Variants in TTC23L observed in about 807,000 individuals in gnomAD.
TTC23L encodes the protein tetratricopeptide repeat domain 23 like, also known as tetratricopeptide repeat protein 23-like.
Under a neutral mutation model 48.1 loss-of-function variants are expected in TTC23L, and 42 were observed. That is an observed-to-expected ratio of 0.87 (90% CI 0.68 to 1.13). TTC23L has a LOEUF of 1.13. TTC23L is among the 50% of genes most tolerant of loss of function. The pLI, the probability that TTC23L is intolerant of heterozygous loss-of-function variation, is 0.00. For missense variants in TTC23L, 391 were observed against 421.0 expected (o/e 0.93, Z 0.62); for synonymous variants, 159 against 157.2 (o/e 1.01, Z -0.09).
chr5:34,854,372 G>A (rs2150371216), intron 4 of TTC23L, among the ~76,000 whole-genome samples: 1 of 152,270 alleles, frequency 6.6e-6, no homozygotes, highest in African/African-American at 2.4e-5. Flanking sequence ...GGTTGTGACT[G>A]TAAGCTTTCT....
At chr5:34,916,158 G>A in the TTC23L span, 144 of 355,908 alleles carry the variant, frequency 4.0e-4, no homozygotes, top group Non-Finnish European at 1.7e-4. Context: ...CTCAGATCCA[G>A]CGTTCTTTCT....
intron 8 of TTC23L, among the ~76,000 whole-genome samples, chr5:34,879,502 C>T (rs1169753773): frequency 6.6e-6 from 1 of 152,156 alleles, no homozygotes; most frequent in African/African-American, 2.4e-5. Flanking sequence ...ACCCCCCAAA[C>T]AGGAACCTTA....
chr5:34,891,284 G>A (rs1241155143), intron 9 of TTC23L, among the ~76,000 whole-genome samples: 1 of 152,108 alleles, frequency 6.6e-6, no homozygotes, highest in East Asian at 1.9e-4. Context: ...ATCTTAACCT[G>A]CCTTTTCCAC....
At chr5:34,917,447 G>C in the TTC23L span, among the ~76,000 whole-genome samples, 14 of 151,372 alleles carry the variant, frequency 9.2e-5, no homozygotes, top group African/African-American at 3.4e-4. Flanking sequence ...GCCTGGCCAA[G>C]ATGGTGAAAC....
intron 3 of TTC23L, among the ~76,000 whole-genome samples, chr5:34,848,971 A>C (rs766043207): frequency 1.3e-5 from 2 of 152,216 alleles, no homozygotes; most frequent in Non-Finnish European, 2.9e-5. Flanking sequence ...TAAAATCCAT[A>C]AGTTTCTAAT....
chr5:34,839,518 C>T (rs1044028087), intron 1 of TTC23L: 4 of 527,098 alleles, frequency 7.6e-6, no homozygotes, highest in Admixed American at 6.4e-5. Context: ...CCGTGCGGAA[C>T]GTCATAGGAA....
intron 7 of TTC23L, chr5:34,867,534 C>G (rs1490607557): frequency 6.0e-6 from 1 of 165,904 alleles, no homozygotes; most frequent in East Asian, 1.7e-4. Flanking sequence ...AAGGGTGTTT[C>G]ACTTGGAGGT....
intron 9 of TTC23L, among the ~76,000 whole-genome samples, chr5:34,882,764 G>C (rs1219689710): frequency 6.6e-6 from 1 of 152,152 alleles, no homozygotes; most frequent in Non-Finnish European, 1.5e-5. Flanking sequence ...TCACGGCTGG[G>C]TATGGAGACT....
chr5:34,923,879 T>C, the TTC23L span, among the ~76,000 whole-genome samples: 2 of 152,220 alleles, frequency 1.3e-5, no homozygotes, highest in African/African-American at 4.8e-5. Context: ...GACTGTTAGT[T>C]GATACAGAGT....
intron 7 of TTC23L, chr5:34,868,554 C>G (rs2150411006): frequency 5.6e-6 from 1 of 179,142 alleles, no homozygotes; most frequent in East Asian, 1.3e-4. Flanking sequence ...CCCTGATTTA[C>G]ATTTACAAGA....
chr5:34,859,025 G>T (rs146323120), intron 4 of TTC23L, among the ~76,000 whole-genome samples: 13 of 152,278 alleles, frequency 8.5e-5, no homozygotes, highest in African/African-American at 2.4e-4. Context: ...TGCAGGGAGG[G>T]TGCAGGCTTT....
chr5:34,876,958 C>T (rs1761882667), intron 8 of TTC23L, among the ~76,000 whole-genome samples: 1 of 151,622 alleles, frequency 6.6e-6, no homozygotes, highest in Non-Finnish European at 1.5e-5. Context: ...GCACATTCTG[C>T]ACATGTACCC....
intron 8 of TTC23L, among the ~76,000 whole-genome samples, chr5:34,870,207 C>T (rs1203932807): frequency 2.0e-5 from 3 of 151,650 alleles, no homozygotes; most frequent in East Asian, 3.8e-4. Flanking sequence ...ACATTTTATG[C>T]ACCAAAACTA....
At chr5:34,896,543 C>G (rs141238082) in intron 9 of TTC23L, among the ~76,000 whole-genome samples, 1 of 152,242 alleles carries the variant, frequency 6.6e-6, no homozygotes, top group East Asian at 1.9e-4. Flanking sequence ...TTTTGAGCAC[C>G]TACTAAGTGC....
At chr5:34,851,947 G>A (rs1029189645) in intron 4 of TTC23L, among the ~76,000 whole-genome samples, 13 of 152,190 alleles carry the variant, frequency 8.5e-5, no homozygotes, top group African/African-American at 3.1e-4. Context: ...CAGTTCAGTG[G>A]TATTGCCATT....
chr5:34,920,013 C>T, the TTC23L span: 1 of 493,120 alleles, frequency 2.0e-6, no homozygotes. Context: ...ATTAACTCTT[C>T]AATAACTGGT....
At chr5:34,919,856 TA>T in the TTC23L span, 1 of 1,170,970 alleles carries the variant, frequency 8.5e-7, no homozygotes, top group Non-Finnish European at 1.2e-6. Flanking sequence ...AAATGGATCG[TA>T]AGGATAAGCT....
Position 34,845,690 on chromosome 5 carries a change from A to T in TTC23L, c.255+17A>T, listed in dbSNP as rs888708938. 6.3e-7 allele frequency: 1 copy of T among 1,591,006 alleles called. No homozygotes were observed. Among genetic ancestry groups the T allele is most frequent in the Admixed American group, 1.8e-5 (1 of 54,470 alleles). On this transcript the variant is annotated intron_variant, in intron 3 of 10. Coordinates refer to ENST00000505624, the Ensembl canonical transcript of TTC23L. ...GAAAAAATGGTAAAACAAAAAACTC[A>T]CTAAAATTTTGTTTCCATTTAAAAA...
intron 9 of TTC23L, among the ~76,000 whole-genome samples, chr5:34,893,907 AAC>A (rs137953116): frequency 6.6e-6 from 1 of 152,034 alleles, no homozygotes; most frequent in Non-Finnish European, 1.5e-5. Context: ...ATGACCAATA[AAC>A]ACACACACAC....
Sources: allele counts gnomAD v4.1 joint callset (sites outside exome capture counted in the v4.1 genomes callset), GRCh38; gene constraint gnomAD v4.1.1; transcripts MANE v1.5; gene names NCBI Gene and HGNC (gene_info 2026-07-23, HGNC 2026-07-21).